NAF1: variants seen among roughly 807,000 people sequenced by gnomAD.
NAF1 encodes the protein H/ACA ribonucleoprotein complex non-core subunit NAF1.
In NAF1, 11 loss-of-function variants were observed where a neutral mutation model predicts 40.6. The observed-to-expected ratio is 0.27, with a 90% CI of 0.17 to 0.45. The LOEUF is 0.45. NAF1 is among the 20% of genes least tolerant of loss of function. NAF1 has a pLI of 1.00. For synonymous variants in NAF1, 260 were observed against 228.5 expected, an observed-to-expected ratio of 1.14 and a Z score of -1.24; for missense variants, 607 against 611.1, an observed-to-expected ratio of 0.99 and a Z score of 0.07.
the NAF1 span, among the ~76,000 whole-genome samples, chr4:163,104,539 A>G: frequency 1.3e-5 from 2 of 152,208 alleles, no homozygotes; most frequent in Non-Finnish European, 2.9e-5. Flanking sequence ...TTACTGATAT[A>G]ACCAACCTTG....
chr4:163,155,321 C>T (rs940991934), intron 2 of NAF1, among the ~76,000 whole-genome samples: 6 of 152,154 alleles, frequency 3.9e-5, no homozygotes, highest in Admixed American at 2.0e-4. Flanking sequence ...CCAATCATAA[C>T]GAGGACCCAG....
chr4:163,126,497 ATC>A (rs1730659968), downstream of NAF1, among the ~76,000 whole-genome samples: 1 of 152,226 alleles, frequency 6.6e-6, no homozygotes, highest in South Asian at 2.1e-4. Flanking sequence ...AATTGCTGCA[ATC>A]TCACGAAAAA....
intron 4 of NAF1, among the ~76,000 whole-genome samples, chr4:163,144,525 G>A (rs1156309972): frequency 1.3e-5 from 2 of 152,076 alleles, no homozygotes; most frequent in South Asian, 4.1e-4. Flanking sequence ...TTCATATTCT[G>A]GTTATTGGTT....
intron 3 of NAF1, among the ~76,000 whole-genome samples, chr4:163,147,673 T>C (rs1289551964): frequency 2.6e-5 from 4 of 152,144 alleles, no homozygotes; most frequent in Non-Finnish European, 5.9e-5. Flanking sequence ...AATCTGTAAA[T>C]ACATTACATT....
intron 2 of NAF1, chr4:163,117,444 T>C (rs1579120844): frequency 1.3e-5 from 2 of 152,168 alleles, no homozygotes; most frequent in African/African-American, 4.8e-5. Context: ...GGTTGGTTCA[T>C]TAACGGAAAT....
At chr4:163,136,841 G>A (rs909781078) in intron 6 of NAF1, among the ~76,000 whole-genome samples, 1 of 152,050 alleles carries the variant, frequency 6.6e-6, no homozygotes, top group African/African-American at 2.4e-5. Flanking sequence ...TGTCCCATAT[G>A]GTGTATTTAC....
exon 3 of NAF1, chr4:163,110,258 T>C: frequency 2.9e-6 from 2 of 701,382 alleles, no homozygotes; most frequent in South Asian, 3.0e-5. Flanking sequence ...CTGTCACTTT[T>C]CGTGGTTTCA....
At chr4:163,106,559 A>G (rs1458633766), downstream of NAF1, among the ~76,000 whole-genome samples, 1 of 146,980 alleles carries the variant, frequency 6.8e-6, no homozygotes, top group Admixed American at 6.9e-5. Context: ...AAAAAGAACT[A>G]CTGAAATAAT....
chr4:163,146,870 T>G (rs1218830000), intron 3 of NAF1, among the ~76,000 whole-genome samples: 1 of 152,218 alleles, frequency 6.6e-6, no homozygotes, highest in African/African-American at 2.4e-5. Flanking sequence ...GAGAATTTTT[T>G]CAGTCTATGT....
At chr4:163,161,688 A>G (rs909223081) in intron 2 of NAF1, among the ~76,000 whole-genome samples, 1 of 152,082 alleles carries the variant, frequency 6.6e-6, no homozygotes, top group African/African-American at 2.4e-5. Context: ...CCTCCTAACA[A>G]TGAGTCCAAC....
downstream of NAF1, among the ~76,000 whole-genome samples, chr4:163,126,337 T>A (rs548285101): frequency 1.1e-3 from 165 of 152,304 alleles, no homozygotes; most frequent in African/African-American, 3.9e-3. Context: ...GGGGTCAAAA[T>A]ACCAATATTA....
In NAF1 at chr4:163,166,405, G is replaced by T. The variant is rs1233400641; in HGVS notation, c.323C>A (p.Pro108Gln). 6.2e-7 allele frequency: 1 copy of T among 1,607,318 alleles called. No homozygotes were observed. The highest frequency in any genetic ancestry group is 1.7e-5 in the Admixed American group (1 of 59,546). Residue 108 changes from proline to glutamine, a missense_variant, in exon 1 of 8, where the codon CCG becomes CAG. Pro to Gln is a moderately conservative substitution (Grantham distance 76). This residue lies in a region of NAF1 where 407 missense variants were observed against 365.5 expected (regional missense o/e 1.11). Transcript: ENST00000274054. ...CGAGTCCGAGGTCTCCAAGGAGTCC[G>T]GCGCCCGCGCAGGCTCTGCGGCTCC... The part of the protein sequence containing the change: ...SPGAAEPARA[P>Q]DSLETSDSDS...
chr4:163,107,363 C>A (rs927117678), downstream of NAF1, among the ~76,000 whole-genome samples: 1 of 152,192 alleles, frequency 6.6e-6, no homozygotes, highest in African/African-American at 2.4e-5. Flanking sequence ...TCTATGTGTA[C>A]TTGCTGAGAG....
At chr4:163,124,862 G>A (rs984110528), downstream of NAF1, among the ~76,000 whole-genome samples, 3 of 152,000 alleles carry the variant, frequency 2.0e-5, no homozygotes, top group Admixed American at 6.5e-5. Flanking sequence ...TTTACAAATC[G>A]AAGGTTTGTA....
At position 163,166,758 on chromosome 4, in the gene NAF1, G is replaced by A. The variant is rs376728436; in HGVS notation, c.-31C>T. On this transcript the variant is annotated 5_prime_UTR_variant, in exon 1 of 8. Coordinates refer to ENST00000274054, the MANE Select transcript of NAF1 (RefSeq NM_138386.3). ...CGCGCCAGAAACCGGGTCGGCCTCA[G>A]GATTGGGGCCCCTGGACAAGCTCAC... 3.7e-6 allele frequency: 6 copies of A among 1,611,808 alleles called. No individual in the cohort carries two copies. The highest frequency in any genetic ancestry group is 2.2e-5 in the East Asian group (1 of 44,810).
At position 163,129,041 on chromosome 4, in the gene NAF1, T is replaced by C. The variant is rs1276077765; in HGVS notation, c.1341A>G (p.Val447=). The C allele has an allele frequency of 5.2e-6, 7 of 1,336,520 alleles. No individual in the cohort carries two copies. The highest frequency in any genetic ancestry group is 1.9e-5 in the African/African-American group (1 of 51,294). The allele number at this position is 1,336,520 out of a possible 1,614,324, so 82.8% of individuals were successfully genotyped here. A position where few individuals can be genotyped will look rare whatever the true frequency, so the allele number is the denominator to read the frequency against. The change falls in exon 8 of 8, where the codon GTA becomes GTG. Residue 447 remains valine (V), a synonymous_variant. Coordinates refer to ENST00000274054, the MANE Select transcript of NAF1 (RefSeq NM_138386.3). ...RPPPPPPPPP[V]NMGWATPNMA... Reference sequence around the variant, plus strand: ...TGTTTGGTGTAGCCCAACCCATGTTTACAGGTGGGGGTGGTGGTGGGGGTG... The same window carrying C: ...TGTTTGGTGTAGCCCAACCCATGTTCACAGGTGGGGGTGGTGGTGGGGGTG...
Position 163,140,247 on chromosome 4 carries a change from T to C in NAF1, c.854A>G (p.Tyr285Cys). Residue 285 changes from tyrosine (Y) to cysteine (C), a missense_variant, in exon 5 of 8, where the codon TAT becomes TGT. Tyr to Cys is a radical substitution (Grantham distance 194). This residue lies in a region of NAF1 where 407 missense variants were observed against 365.5 expected (regional missense o/e 1.11). Transcript: ENST00000274054. ...CTGTTTTAGTTTTTCTGTGAATATA[T>C]ATTGAGTGAAATCTTTCATTGATGG... Reference protein sequence around the residue: ...FAPSMKDFTQYIFTEKLKQDK... With the variant: ...FAPSMKDFTQCIFTEKLKQDK... 1.2e-6 allele frequency: 2 copies of C among 1,604,622 alleles called. No individual in the cohort carries two copies. The highest frequency in any genetic ancestry group is 1.7e-6 in the Non-Finnish European group (2 of 1,177,014).
intron 6 of NAF1, 130 bp from the exon 7 acceptor site, chr4:163,133,386 TAATA>T: frequency 1.7e-6 from 1 of 598,646 alleles, no homozygotes; most frequent in East Asian, 2.8e-5. Context: ...TTTTGATACT[TAATA>T]TTTTCTATAT....
intron 2 of NAF1, among the ~76,000 whole-genome samples, chr4:163,161,008 T>C (rs1732194232): frequency 7.2e-6 from 1 of 139,370 alleles, no homozygotes; most frequent in Non-Finnish European, 1.5e-5. Flanking sequence ...AAGAATGGAC[T>C]GTCATTTTCC....
Sources: gnomAD v4.1 joint callset for allele counts (sites outside exome capture counted in the v4.1 genomes callset) on GRCh38, gnomAD v4.1.1 for gene constraint, gnomAD v4.1.1 regional missense constraint, MANE v1.5 for transcripts, NCBI Gene and HGNC (gene_info 2026-07-23, HGNC 2026-07-21) for gene names.